Variants in SYT6 observed in about 807,000 individuals in gnomAD.
SYT6 encodes synaptotagmin-6.
SYT6 carries 24 observed loss-of-function variants against 38.4 expected under a neutral mutation model. The observed-to-expected ratio is 0.62, with a 90% confidence interval of 0.45 to 0.88. The LOEUF is 0.88. Among genes scored for constraint, SYT6 ranks in the 40% least tolerant of loss-of-function variants. The probability of loss-of-function intolerance (pLI) is 0.00; values close to 1 mark genes in which losing one functional copy is unlikely to be tolerated. For synonymous variants in SYT6, 265 were observed against 241.9 expected, an observed-to-expected ratio of 1.10 and a Z score of -0.89; for missense variants, 611 against 621.0, an observed-to-expected ratio of 0.98 and a Z score of 0.17.
chr1:114,090,699 G>A lies in SYT6; in HGVS notation c.*1435C>T, dbSNP rs927045399. ...AACTGGCACTGTGTCGCCACAAGTC[G>A]AAGTAGAAACTCACCTCCATGCGCT... On this transcript the variant is annotated 3_prime_UTR_variant, in exon 8 of 8. Transcript: ENST00000610222. 4 of 152,348 alleles carry A rather than the reference G, an allele frequency of 2.6e-5. No homozygotes were observed. Among genetic ancestry groups the A allele is most frequent in the Admixed American group, 1.3e-4 (2 of 15,290 alleles). 9.4% of individuals were successfully genotyped at this position (152,348 alleles called of 1,614,324 possible).
rs1678745626 is a variant in SYT6, at chr1:114,139,740, C to T, written c.387G>A (p.Glu129=). The change falls in exon 2 of 8, where the codon GAG becomes GAA. Residue 129 remains glutamate, a synonymous_variant. Transcript: ENST00000610222. ...ACGTGTGGCTGATCTTCACGGCCGC[C>T]TCCAGGAAGCCCAGGGTGCTGGGGT... ...LKDPSTLGFL[E]AAVKISHTSP... is the part of the protein sequence containing the mutation. 1 of 1,614,038 alleles carries T rather than the reference C, an allele frequency of 6.2e-7. No homozygotes were observed. The highest frequency in any genetic ancestry group is 1.3e-5 in the African/African-American group (1 of 74,938).
At chr1:114,114,978 A>G (rs1227208883) in intron 3 of SYT6, among the ~76,000 whole-genome samples, 1 of 152,154 alleles carries the variant, frequency 6.6e-6, no homozygotes, top group Non-Finnish European at 1.5e-5. Context: ...CACTGGGTAT[A>G]TTTTAGAAAG....
rs748426897 is a variant in SYT6 at position 114,137,991 on chromosome 1, T to G, written c.575A>C (p.Asn192Thr). ...QMHVSSVDYG[N>T]ELPPAAEQPT... ...CTGCTCTGCTGCTGGTGGAAGCTCA[T>G]TGCCATAGTCTACACTGGAGACATG... The change falls in exon 3 of 8, where the codon AAT (asparagine) becomes ACT (threonine). Residue 192 changes from asparagine (N) to threonine (T), a missense_variant. By Grantham distance (65) the Asn-to-Thr change is moderately conservative. Coordinates refer to ENST00000610222, the MANE Select transcript of SYT6 (RefSeq NM_001253772.2). The G allele has an allele frequency of 6.2e-7, 1 of 1,613,850 alleles. No individual in the cohort carries two copies. The highest frequency in any genetic ancestry group is 1.3e-5 in the African/African-American group (1 of 74,830).
chr1:114,129,542 T>C (rs1415792982), intron 3 of SYT6, among the ~76,000 whole-genome samples: 1 of 147,136 alleles, frequency 6.8e-6, no homozygotes, highest in Non-Finnish European at 1.5e-5. Context: ...TTCTTTCTTT[T>C]TTTTCTGTCT....
intron 3 of SYT6, among the ~76,000 whole-genome samples, chr1:114,118,133 A>G (rs746750244): frequency 6.6e-6 from 1 of 152,214 alleles, no homozygotes; most frequent in Non-Finnish European, 1.5e-5. Flanking sequence ...AGGATCCCAG[A>G]GATTTCCCAG....
intron 1 of SYT6, among the ~76,000 whole-genome samples, chr1:114,147,704 T>A (rs368126391): frequency 2.6e-5 from 4 of 152,256 alleles, no homozygotes; most frequent in South Asian, 4.1e-4. Context: ...TCTAATTGCG[T>A]GACCTTGAGC....
chr1:114,123,032 G>A (rs530126822), intron 3 of SYT6, among the ~76,000 whole-genome samples: 2 of 152,168 alleles, frequency 1.3e-5, no homozygotes, highest in Non-Finnish European at 2.9e-5. Context: ...GCTGTTCCGC[G>A]TGCCCTCCTT....
At chr1:114,121,051 T>A (rs1677369768) in intron 3 of SYT6, among the ~76,000 whole-genome samples, 1 of 152,224 alleles carries the variant, frequency 6.6e-6, no homozygotes, top group African/African-American at 2.4e-5. Flanking sequence ...GGACAGGCGA[T>A]GTCTCCATAG....
intron 6 of SYT6, among the ~76,000 whole-genome samples, chr1:114,096,669 C>T (rs1218196169): frequency 1.3e-5 from 2 of 152,178 alleles, no homozygotes; most frequent in African/African-American, 4.8e-5. Flanking sequence ...GACCTGACTT[C>T]TCTGCATCAT....
intron 3 of SYT6, among the ~76,000 whole-genome samples, chr1:114,130,395 G>A (rs138466708): frequency 6.6e-6 from 1 of 152,194 alleles, no homozygotes; most frequent in African/African-American, 2.4e-5. Flanking sequence ...TAATTCCCGA[G>A]TGATTCCTCC....
In SYT6 at chr1:114,089,483, T is replaced by C. The variant is rs189420700; in HGVS notation, c.*2651A>G. The C allele has an allele frequency of 9.8e-4, 149 of 152,602 alleles. No homozygotes were observed. Among genetic ancestry groups the C allele is most frequent in the African/African-American group, 3.4e-3 (143 of 41,568 alleles). The allele number at this position is 152,602 out of a possible 1,614,324, so 9.5% of individuals were successfully genotyped here. A position where few individuals can be genotyped will look rare whatever the true frequency, so the allele number is the denominator to read the frequency against. ...GCTAAATAAAGGAGAAGGGAACTTTTCATGTTTTTTAAAAAAACCTATGTG... is the reference window on the plus strand; with the variant it reads ...GCTAAATAAAGGAGAAGGGAACTTTCCATGTTTTTTAAAAAAACCTATGTG... On this transcript the variant is annotated 3_prime_UTR_variant, in exon 8 of 8. Transcript: ENST00000610222.
intron 3 of SYT6, among the ~76,000 whole-genome samples, chr1:114,129,559 C>CTTTCT (rs201971612): frequency 1.0e-4 from 14 of 139,216 alleles, no homozygotes; most frequent in African/African-American, 3.7e-4. Context: ...GTCTTTTTTT[C>CTTTCT]TTTCTTTTCT....
chr1:114,142,144 A>G (rs1265121320), intron 1 of SYT6, among the ~76,000 whole-genome samples: 2 of 152,242 alleles, frequency 1.3e-5, no homozygotes, highest in Non-Finnish European at 2.9e-5. Flanking sequence ...TGTCATAGAC[A>G]GTGATTCCTC....
chr1:114,098,722 G>A (rs767525103), intron 5 of SYT6, among the ~76,000 whole-genome samples: 1 of 152,214 alleles, frequency 6.6e-6, no homozygotes, highest in Non-Finnish European at 1.5e-5. Flanking sequence ...CTAGGAGGCT[G>A]CACAGCCATC....
chr1:114,118,665 G>A (rs966482009), intron 3 of SYT6, among the ~76,000 whole-genome samples: 5 of 152,154 alleles, frequency 3.3e-5, no homozygotes, highest in African/African-American at 9.7e-5. Flanking sequence ...GGCTGTCCCC[G>A]CGGCTCAGGT....
chr1:114,119,563 A>G (rs2629811), intron 3 of SYT6, among the ~76,000 whole-genome samples: 71,229 of 152,150 alleles, frequency 0.47, 17,236 homozygotes, highest in African/African-American at 0.58. Flanking sequence ...CACTTTACAG[A>G]TGAGAGAACA....
chr1:114,133,769 G>A (rs684231), intron 3 of SYT6, among the ~76,000 whole-genome samples: 119,042 of 152,208 alleles, frequency 0.78, 47,510 homozygotes, highest in African/African-American at 0.94. Flanking sequence ...AGTGGGGCAT[G>A]TTAGCTGCTG....
chr1:114,093,781 T>C lies in SYT6; in HGVS notation c.*5A>G. Reference sequence around the variant, plus strand: ...TCTCTGCTTGCAGCATCCACGTGAATGAAATCACAACCGAGGGTTTCCCTG... The same window carrying C: ...TCTCTGCTTGCAGCATCCACGTGAACGAAATCACAACCGAGGGTTTCCCTG... On this transcript the variant is annotated 3_prime_UTR_variant, in exon 7 of 8. Transcript: ENST00000610222. 6.2e-7 allele frequency: 1 copy of C among 1,614,112 alleles called. No homozygotes were observed. Among genetic ancestry groups the C allele is most frequent in the African/African-American group, 1.3e-5 (1 of 75,028 alleles).
At chr1:114,147,228 A>T (rs1298844674) in intron 1 of SYT6, among the ~76,000 whole-genome samples, 6 of 152,094 alleles carry the variant, frequency 3.9e-5, no homozygotes, top group Non-Finnish European at 7.4e-5. Context: ...GCTAATACTC[A>T]TTTGCTTGCT....
Sources: gnomAD v4.1 joint callset for allele counts (sites outside exome capture counted in the v4.1 genomes callset) on GRCh38, gnomAD v4.1.1 for gene constraint, MANE v1.5 for transcripts, NCBI Gene and HGNC (gene_info 2026-07-23, HGNC 2026-07-21) for gene names.